The following PNPLA8 variants were observed in gnomAD, a reference collection of about 807,000 sequenced individuals.
PNPLA8 encodes the protein patatin like domain 8, phospholipase A2.
In PNPLA8, 39 loss-of-function variants were observed where a neutral mutation model predicts 76.9. The observed-to-expected ratio is 0.51, with a 90% CI of 0.39 to 0.66. PNPLA8 has a LOEUF of 0.66. Ranked by LOEUF, PNPLA8 falls within the 30% of genes least tolerant of loss-of-function variation. The pLI is 0.00. For synonymous variants in PNPLA8, 301 were observed against 307.9 expected (o/e 0.98, Z 0.24); for missense variants, 887 against 918.0 (o/e 0.97, Z 0.44).
chr7:108,490,372 T>C (rs1259339554), intron 8 of PNPLA8, among the ~76,000 whole-genome samples: 1 of 152,184 alleles, frequency 6.6e-6, no homozygotes, highest in Non-Finnish European at 1.5e-5. Flanking sequence ...GTACACTCTA[T>C]AATACTTGCA....
At chr7:108,511,963 T>C (rs1598954164) in intron 4 of PNPLA8, among the ~76,000 whole-genome samples, 1 of 152,200 alleles carries the variant, frequency 6.6e-6, no homozygotes, top group Non-Finnish European at 1.5e-5. Flanking sequence ...GGTTGTACTT[T>C]TCAGGCCCAT....
At chr7:108,510,271 G>A in intron 4 of PNPLA8, 16 of 1,575,474 alleles carry the variant, frequency 1.0e-5, no homozygotes, top group Non-Finnish European at 1.4e-5. Flanking sequence ...TTCCTGCTGT[G>A]CCAGAAACCC....
At chr7:108,522,763 A>C (rs1013841491) in intron 1 of PNPLA8, among the ~76,000 whole-genome samples, 2 of 152,222 alleles carry the variant, frequency 1.3e-5, no homozygotes, top group African/African-American at 2.4e-5. Context: ...TTTCTTTCCA[A>C]TATGACGAAT....
chr7:108,483,106 A>T (rs1237378120), intron 9 of PNPLA8, among the ~76,000 whole-genome samples: 1 of 152,240 alleles, frequency 6.6e-6, no homozygotes, highest in Non-Finnish European at 1.5e-5. Context: ...CTTTCTCAAA[A>T]ACTTGTATCC....
intron 1 of PNPLA8, among the ~76,000 whole-genome samples, chr7:108,524,831 A>C (rs1863972233): frequency 6.6e-6 from 1 of 152,168 alleles, no homozygotes; most frequent in African/African-American, 2.4e-5. Context: ...CAGGACAGGA[A>C]GGTGTCTATG....
Position 108,515,233 on chromosome 7 carries a change from T to A in PNPLA8, c.259A>T (p.Ser87Cys). 1 of 1,602,314 alleles carries A rather than the reference T, an allele frequency of 6.2e-7. No homozygotes were observed. Among genetic ancestry groups the A allele is most frequent in the Admixed American group, 1.7e-5 (1 of 58,314 alleles). The change falls in exon 3 of 11, where the codon AGC becomes TGC. Residue 87 changes from serine (S) to cysteine (C), a missense_variant. By Grantham distance (112) the Ser-to-Cys change is moderately radical. Transcript: ENST00000257694. ...HGLHIGILKL[S>C]TSAPKGLTKV... The stretch of plus-strand genomic sequence containing the variant: ...GTAAGTCCCTTGGGAGCAGAAGTGC[T>A]AAGTTTCAAAATCCCAATATGTAAA...
In PNPLA8 at chr7:108,497,388, A is replaced by AGAAG. The variant is rs1861621856; in HGVS notation, c.1453+91_1453+94dup. On this transcript the variant is annotated intron_variant, in intron 6 of 10. Coordinates refer to ENST00000257694, the MANE Select transcript of PNPLA8 (RefSeq NM_001256007.3). The stretch of plus-strand genomic sequence containing the variant: ...TTTTGGGGTATGGAGAGAGGGCTGA[A>AGAAG]GAAGGCAAAGGACTATGATCTTAAA... The AGAAG allele has an allele frequency of 3.7e-6, 3 of 815,384 alleles. No individual in the cohort carries two copies. The African/African-American group carries it at 5.3e-5, about 14-fold the overall frequency. The allele number at this position is 815,384 out of a possible 1,614,324, so 50.5% of individuals were successfully genotyped here.
At chr7:108,510,563 C>T (rs1186634721) in intron 4 of PNPLA8, 1 of 1,446,028 alleles carries the variant, frequency 6.9e-7, no homozygotes, top group East Asian at 2.3e-5. Context: ...GTTGCAGCTT[C>T]TTCGCCTTCG....
intron 4 of PNPLA8, among the ~76,000 whole-genome samples, chr7:108,503,965 C>T (rs1411891351): frequency 6.6e-6 from 1 of 152,110 alleles, no homozygotes; most frequent in Non-Finnish European, 1.5e-5. Context: ...AAAAGGTAAG[C>T]CGAAGACCTC....
chr7:108,515,432 A>G lies in PNPLA8; in HGVS notation c.60T>C (p.Val20=). ...YIYLLSNARS[V]CGKQRSKQLY... ...GTTGCTTGCTTCTCTGCTTCCCACAAACACTTCTTGCATTACTAAGGAGGT... is the reference window on the plus strand; with the variant it reads ...GTTGCTTGCTTCTCTGCTTCCCACAGACACTTCTTGCATTACTAAGGAGGT... The change falls in exon 3 of 11, where the codon GTT becomes GTC. Residue 20 remains valine, a synonymous_variant. Coordinates refer to ENST00000257694, the MANE Select transcript of PNPLA8 (RefSeq NM_001256007.3). 1 of 1,607,094 alleles carries G rather than the reference A, an allele frequency of 6.2e-7. No homozygotes were observed. The highest frequency in any genetic ancestry group is 8.5e-7 in the Non-Finnish European group (1 of 1,177,084).
chr7:108,480,539 G>A (rs1014731411), intron 9 of PNPLA8, among the ~76,000 whole-genome samples: 2 of 152,082 alleles, frequency 1.3e-5, no homozygotes, highest in East Asian at 1.9e-4. Flanking sequence ...GAATAAACTC[G>A]AATGATTTTT....
intron 1 of PNPLA8, among the ~76,000 whole-genome samples, chr7:108,523,414 G>C (rs1863878636): frequency 6.7e-6 from 1 of 149,258 alleles, no homozygotes; most frequent in African/African-American, 2.5e-5. Flanking sequence ...GCTAAAGCCG[G>C]CATCTGGTAC....
At chr7:108,511,426 A>AT (rs1163489594) in intron 4 of PNPLA8, among the ~76,000 whole-genome samples, 1 of 152,208 alleles carries the variant, frequency 6.6e-6, no homozygotes, top group Non-Finnish European at 1.5e-5. Context: ...GGCACATGAC[A>AT]TTACCTACAA....
Position 108,514,900 on chromosome 7 carries a change from T to C in PNPLA8, c.592A>G (p.Thr198Ala). 1 of 1,609,194 alleles carries C rather than the reference T, an allele frequency of 6.2e-7. No individual in the cohort carries two copies. The highest frequency in any genetic ancestry group is 8.5e-7 in the Non-Finnish European group (1 of 1,177,610). The change falls in exon 3 of 11, where the codon ACA becomes GCA. Residue 198 changes from threonine (T) to alanine (A), a missense_variant. Thr to Ala is a moderately conservative substitution (Grantham distance 58). Transcript: ENST00000257694. ...SLFHYTSSIT[T>A]KFGDSFYFLS... is the part of the protein sequence containing the mutation. ...AAGTAGAATGAGTCTCCAAATTTTG[T>C]GGTTATAGAACTTGTGTAATGAAAA...
At chr7:108,479,116 C>A (rs1860204021) in intron 10 of PNPLA8, 68 bp downstream of exon 10, 1 of 1,117,940 alleles carries the variant, frequency 8.9e-7, no homozygotes, top group Admixed American at 1.8e-5. Context: ...TTAGGACCAA[C>A]AAATGCCACC....
At chr7:108,513,571 A>G (rs1246697377) in intron 4 of PNPLA8, among the ~76,000 whole-genome samples, 1 of 152,062 alleles carries the variant, frequency 6.6e-6, no homozygotes, top group Non-Finnish European at 1.5e-5. Flanking sequence ...ATATAGATGT[A>G]AAGAGACTCA....
chr7:108,514,886 G>T lies in PNPLA8; in HGVS notation c.606C>A (p.Asp202Glu). 6.2e-7 allele frequency: 1 copy of T among 1,607,436 alleles called. No homozygotes were observed. The highest frequency in any genetic ancestry group is 8.5e-7 in the Non-Finnish European group (1 of 1,175,910). ...TATGATTTGATAAAAAGTAGAATGA[G>T]TCTCCAAATTTTGTGGTTATAGAAC... ...YTSSITTKFG[D>E]SFYFLSNHIN... Residue 202 changes from aspartate to glutamate, a missense_variant, in exon 3 of 11, where the codon GAC becomes GAA. Asp to Glu is a conservative substitution (Grantham distance 45, BLOSUM62 2). Coordinates refer to ENST00000257694, the MANE Select transcript of PNPLA8 (RefSeq NM_001256007.3).
At chr7:108,516,320 C>G (rs1331794168) in intron 2 of PNPLA8, among the ~76,000 whole-genome samples, 1 of 152,158 alleles carries the variant, frequency 6.6e-6, no homozygotes, top group Non-Finnish European at 1.5e-5. Flanking sequence ...CAATTAAATA[C>G]AGTTAATTGA....
intron 9 of PNPLA8, among the ~76,000 whole-genome samples, chr7:108,485,178 T>G (rs1004216378): frequency 6.6e-6 from 1 of 152,158 alleles, no homozygotes; most frequent in African/African-American, 2.4e-5. Flanking sequence ...ATGAACAATT[T>G]AATTTTGAAG....
Sources: gnomAD v4.1 joint callset for allele counts (sites outside exome capture counted in the v4.1 genomes callset) on GRCh38, gnomAD v4.1.1 for gene constraint, MANE v1.5 for transcripts, NCBI Gene and HGNC (gene_info 2026-07-23, HGNC 2026-07-21) for gene names.